Variants in TRPM1 observed in about 807,000 individuals in gnomAD.
The protein encoded by TRPM1 is transient receptor potential cation channel subfamily M member 1, also known as TRPM1-203 APA Isoform, Intron 10.
TRPM1 carries 113 observed loss-of-function variants against 149.4 expected under a neutral mutation model. That is an observed-to-expected ratio of 0.76 (90% confidence interval 0.65 to 0.88). TRPM1 has a LOEUF of 0.88. TRPM1 is among the 40% of genes least tolerant of loss of function. The probability of loss-of-function intolerance (pLI) is 0.00; values close to 1 mark genes in which losing one functional copy is unlikely to be tolerated. For synonymous variants in TRPM1, 741 were observed against 759.5 expected (o/e 0.98, Z 0.40); for missense variants, 1,976 against 2,038.7 (o/e 0.97, Z 0.59).
At chr15:31,092,492 C>T (rs1391760988) in intron 1 of TRPM1, among the ~76,000 whole-genome samples, 1 of 152,222 alleles carries the variant, frequency 6.6e-6, no homozygotes, top group Non-Finnish European at 1.5e-5. Flanking sequence ...AGCCCTGTCC[C>T]TCATTACTCA....
At position 31,069,848 on chromosome 15, in the gene TRPM1, G is replaced by A. The variant is rs936438250; in HGVS notation, c.279+183C>T. ...TAGATGTTCTTTACAGTGGTGTCCA[G>A]TTTCCAAGCCTCATGGCTAAAAGCC... On this transcript the variant is annotated intron_variant, in intron 4 of 27. Transcript: ENST00000256552. 1.9e-6 allele frequency: 3 copies of A among 1,557,122 alleles called. No individual in the cohort carries two copies. Among genetic ancestry groups the A allele is most frequent in the Non-Finnish European group, 1.7e-6 (2 of 1,160,132 alleles).
At chr15:31,137,184 A>C (rs901338323) in intron 1 of TRPM1, among the ~76,000 whole-genome samples, 1 of 152,190 alleles carries the variant, frequency 6.6e-6, no homozygotes, top group Non-Finnish European at 1.5e-5. Flanking sequence ...TTCTAAGGTA[A>C]CTGATAACAG....
chr15:31,002,198 C>A lies in TRPM1; in HGVS notation c.4502G>T (p.Arg1501Leu), dbSNP rs111649153. ...EWQCQVQKIT[R>L]SHSTDIPYIV... ...GTAAGGAATATCTGTGCTATGAGAG[C>A]GCGTGATCTTTTGAACTTGGCATTG... The change falls in exon 28 of 28, where the codon CGC becomes CTC. Residue 1501 changes from arginine (R) to leucine (L), a missense_variant. Physicochemically the swap from Arg to Leu is moderately radical, Grantham distance 102. Coordinates refer to ENST00000256552, the MANE Select transcript of TRPM1 (RefSeq NM_001252024.2). The A allele has an allele frequency of 6.2e-7, 1 of 1,614,078 alleles. No homozygotes were observed. The highest frequency in any genetic ancestry group is 8.5e-7 in the Non-Finnish European group (1 of 1,180,056).
intron 1 of TRPM1, among the ~76,000 whole-genome samples, chr15:31,130,594 A>G (rs2141042652): frequency 6.6e-6 from 1 of 152,306 alleles, no homozygotes; most frequent in Non-Finnish European, 1.5e-5. Flanking sequence ...TCTGGAAATA[A>G]CACCACTGTT....
intron 1 of TRPM1, among the ~76,000 whole-genome samples, chr15:31,149,195 A>G (rs1401447596): frequency 6.6e-6 from 1 of 152,164 alleles, no homozygotes; most frequent in Non-Finnish European, 1.5e-5. Context: ...GGCCAGAGGG[A>G]GACTCTATTG....
At chr15:31,112,997 C>T (rs2035714277) in intron 1 of TRPM1, among the ~76,000 whole-genome samples, 2 of 152,248 alleles carry the variant, frequency 1.3e-5, no homozygotes, top group African/African-American at 4.8e-5. Flanking sequence ...GCTTAACCAT[C>T]TGAGGTGCCG....
chr15:31,060,216 C>T (rs2034190441), intron 11 of TRPM1: 1 of 404,110 alleles, frequency 2.5e-6, no homozygotes, highest in South Asian at 2.2e-5. Context: ...AAATCATTGC[C>T]CTGGATGGAA....
At position 31,098,675 on chromosome 15, in the gene TRPM1, CCT is replaced by C. The variant is rs1233582038; in HGVS notation, c.-84+2980_-84+2981del. 2.0e-5 allele frequency among the ~76,000 whole-genome samples: 3 copies of C among 152,272 alleles called. No homozygotes were observed. The East Asian group carries it at 5.8e-4, about 29-fold the overall frequency. ...CTGAAGAATTTGCCCATTCCTGTGC[CCT>C]GTCTCCAGGAGAGCCAGGGCCACCT... On this transcript the variant is annotated intron_variant, in intron 1 of 27. Transcript: ENST00000256552.
At chr15:31,046,154 G>A (rs760685085) in intron 16 of TRPM1, 50 bp downstream of exon 16, 11 of 1,576,336 alleles carry the variant, frequency 7.0e-6, no homozygotes, top group Admixed American at 3.3e-5. Context: ...AAAGGGCTAT[G>A]TATATTTGAC....
At chr15:31,080,400 G>A (rs925804374) in intron 2 of TRPM1, among the ~76,000 whole-genome samples, 13 of 152,232 alleles carry the variant, frequency 8.5e-5, no homozygotes, top group Admixed American at 5.2e-4. Flanking sequence ...TGAGGCTCTG[G>A]ATAAAACGCA....
chr15:31,046,464 A>T (rs1017865258), intron 15 of TRPM1, among the ~76,000 whole-genome samples: 1 of 152,254 alleles, frequency 6.6e-6, no homozygotes, highest in Non-Finnish European at 1.5e-5. Flanking sequence ...CCCTTATTCC[A>T]GGTAGAAACC....
At position 31,066,261 on chromosome 15, in the gene TRPM1, C is replaced by T. The variant is rs192283331; in HGVS notation, c.619-14G>A. ...CACTCTTGTTACCTGACAAAGTGCA[C>T]AGCGCAAATCAGACCTGCAGGACTT... On this transcript the variant is annotated splice_polypyrimidine_tract_variant and intron_variant, in intron 6 of 27. Coordinates refer to ENST00000256552, the MANE Select transcript of TRPM1 (RefSeq NM_001252024.2). 16 of 1,614,164 alleles carry T rather than the reference C, an allele frequency of 9.9e-6. No homozygotes were observed. In the East Asian group the frequency reaches 3.1e-4, roughly 31 times the overall value.
At chr15:31,118,085 A>G (rs2035825689) in intron 1 of TRPM1, among the ~76,000 whole-genome samples, 1 of 151,992 alleles carries the variant, frequency 6.6e-6, no homozygotes, top group Admixed American at 6.6e-5. Flanking sequence ...ACGTGGTGAA[A>G]CCCCATCTCT....
chr15:31,082,076 T>G (rs1391689717), intron 1 of TRPM1, among the ~76,000 whole-genome samples: 2 of 152,150 alleles, frequency 1.3e-5, no homozygotes, highest in Non-Finnish European at 2.9e-5. Flanking sequence ...CAAGTTTCAG[T>G]GCAACGATAA....
chr15:31,104,905 ATCTTCTAATTAGGTCGAC>A (rs1260784838), upstream of TRPM1, among the ~76,000 whole-genome samples: 1 of 152,046 alleles, frequency 6.6e-6, no homozygotes, highest in African/African-American at 2.4e-5. Context: ...CAAAATGGTG[ATCTTCTAATTAGGTCGAC>A]TCTTCTTTAT....
rs568823381 is a variant in TRPM1 at position 31,026,594 on chromosome 15, T to C, written c.3496+321A>G. On this transcript the variant is annotated intron_variant, in intron 26 of 27. Transcript: ENST00000256552. ...TCAAACGTATAGCATTATTTTCTCA[T>C]TTTCTTTAGATGCAACAAATTAAGA... Among the ~76,000 whole-genome samples, 9 of 152,344 alleles carry C rather than the reference T, an allele frequency of 5.9e-5. No individual in the cohort carries two copies. The East Asian group carries it at 1.7e-3, about 29-fold the overall frequency.
At chr15:31,156,856 C>T (rs1490055798) in intron 1 of TRPM1, among the ~76,000 whole-genome samples, 1 of 151,968 alleles carries the variant, frequency 6.6e-6, no homozygotes, top group Non-Finnish European at 1.5e-5. Context: ...ACCATCTCCA[C>T]TTTGAAGAGA....
intron 27 of TRPM1, among the ~76,000 whole-genome samples, chr15:31,014,385 A>T (rs749161626): frequency 1.3e-5 from 2 of 152,220 alleles, no homozygotes; most frequent in Non-Finnish European, 2.9e-5. Context: ...ACAAGTAATT[A>T]TAATTCTTTG....
At chr15:31,153,364 G>A (rs147556525) in intron 1 of TRPM1, among the ~76,000 whole-genome samples, 19 of 152,212 alleles carry the variant, frequency 1.2e-4, no homozygotes, top group Admixed American at 1.3e-4. Flanking sequence ...TCACTTTGCC[G>A]CCTAGGCTGT....
Sources: gnomAD v4.1 joint callset for allele counts (sites outside exome capture counted in the v4.1 genomes callset) on GRCh38, gnomAD v4.1.1 for gene constraint, MANE v1.5 for transcripts, NCBI Gene and HGNC (gene_info 2026-07-23, HGNC 2026-07-21) for gene names.